Variants in CHD7 observed in about 807,000 individuals in gnomAD.
CHD7 encodes the protein ATP-dependent chromatin remodeler CHD7.
In CHD7, 24 loss-of-function variants were observed where a neutral mutation model predicts 307.3. The observed-to-expected ratio is 0.08, with a 90% CI of 0.06 to 0.11. The LOEUF (loss-of-function observed/expected upper bound fraction) is 0.11, where lower values mean the gene tolerates loss of function less well. CHD7 is among the 10% of genes least tolerant of loss of function. CHD7 has a pLI of 1.00. For missense variants in CHD7, 3,106 were observed against 3,727.1 expected (o/e 0.83, Z 4.34); for synonymous variants, 1,363 against 1,349.9 (o/e 1.01, Z -0.21).
At chr8:60,731,617 C>T (rs1367688692) in intron 1 of CHD7, among the ~76,000 whole-genome samples, 2 of 152,216 alleles carry the variant, frequency 1.3e-5, no homozygotes, top group African/African-American at 4.8e-5. Context: ...CAACTGTTAA[C>T]TCTGTATTTC....
chr8:60,774,331 C>T, intron 2 of CHD7, among the ~76,000 whole-genome samples: 1 of 152,198 alleles, frequency 6.6e-6, no homozygotes, highest in Admixed American at 6.5e-5. Flanking sequence ...CCTCATAGGG[C>T]ATTACAGGAA....
intron 2 of CHD7, among the ~76,000 whole-genome samples, chr8:60,775,146 G>A (rs16926467): frequency 2.0e-5 from 3 of 151,866 alleles, no homozygotes; most frequent in African/African-American, 4.8e-5. Flanking sequence ...AAAGGCAAAG[G>A]TTCAAAAACG....
At chr8:60,834,119 TA>T (rs1249592362) in intron 15 of CHD7, among the ~76,000 whole-genome samples, 1 of 152,212 alleles carries the variant, frequency 6.6e-6, no homozygotes, top group Non-Finnish European at 1.5e-5. Context: ...ATTATTTTTT[TA>T]ATCTCTGAAT....
At chr8:60,744,660 C>T (rs1348962027) in intron 2 of CHD7, among the ~76,000 whole-genome samples, 1 of 151,698 alleles carries the variant, frequency 6.6e-6, no homozygotes, top group Non-Finnish European at 1.5e-5. Context: ...CAATGCCAAA[C>T]TGGCCAACAT....
In CHD7 at chr8:60,690,607, C is replaced by G. The variant is rs144212791; in HGVS notation, c.-175+11525C>G. 3.5e-3 allele frequency among the ~76,000 whole-genome samples: 537 copies of G among 152,306 alleles called. 5 individuals are homozygous for G. The highest frequency in any genetic ancestry group is 0.012 in the African/African-American group (514 of 41,562). On this transcript the variant is annotated intron_variant, in intron 1 of 37. Coordinates refer to ENST00000423902, the MANE Select transcript of CHD7 (RefSeq NM_017780.4). ...CTAAAGGCCAGCAGGATAAGGAAAA[C>G]TGTCTTATATGCTGTCAAATACATT... is the stretch of plus-strand genomic sequence containing the variant.
intron 3 of CHD7, among the ~76,000 whole-genome samples, chr8:60,785,716 C>A (rs1811457834): frequency 6.6e-6 from 1 of 152,162 alleles, no homozygotes; most frequent in Admixed American, 6.5e-5. Context: ...ACAAAAGTAA[C>A]CCATTATGCT....
chr8:60,758,560 T>C (rs911746501), intron 2 of CHD7, among the ~76,000 whole-genome samples: 3 of 152,270 alleles, frequency 2.0e-5, no homozygotes, highest in Non-Finnish European at 4.4e-5. Context: ...ATTTTATTAT[T>C]GTAAATAAAC....
chr8:60,855,322 C>T (rs1025284194), intron 32 of CHD7: 2 of 152,322 alleles, frequency 1.3e-5, no homozygotes, highest in Non-Finnish European at 2.9e-5. Flanking sequence ...GGGAGTTTCC[C>T]AGATCAGTCA....
At chr8:60,803,949 T>C (rs1812431558) in intron 6 of CHD7, among the ~76,000 whole-genome samples, 1 of 152,208 alleles carries the variant, frequency 6.6e-6, no homozygotes. Context: ...AGAAACTGGC[T>C]ATGAGCTCTC....
At chr8:60,857,026 C>T (rs1344612393) in intron 34 of CHD7, 138 bp downstream of exon 34, 3 of 704,502 alleles carry the variant, frequency 4.3e-6, no homozygotes, top group Non-Finnish European at 4.6e-6. Flanking sequence ...AATAGTTTTA[C>T]AATAAACAGT....
chr8:60,864,554 G>A (rs1806154407), intron 37 of CHD7: 1 of 182,238 alleles, frequency 5.5e-6, no homozygotes, highest in South Asian at 1.1e-4. Context: ...GATCATGTTG[G>A]GTAGATGAGG....
chr8:60,778,124 C>T (rs1326703617), intron 2 of CHD7, among the ~76,000 whole-genome samples: 3 of 151,890 alleles, frequency 2.0e-5, no homozygotes, highest in Non-Finnish European at 4.4e-5. Context: ...CATGGCTGGG[C>T]CTGGGAGACT....
intron 1 of CHD7, among the ~76,000 whole-genome samples, chr8:60,719,776 T>G (rs1024683350): frequency 6.6e-6 from 1 of 152,192 alleles, no homozygotes. Context: ...AACCAACTTC[T>G]CATCCCCACA....
intron 9 of CHD7, among the ~76,000 whole-genome samples, chr8:60,820,451 G>A (rs756310768): frequency 5.9e-5 from 9 of 152,270 alleles, no homozygotes; most frequent in South Asian, 2.1e-4. Flanking sequence ...GCAGAATGGA[G>A]TTTAAGGTTA....
intron 3 of CHD7, among the ~76,000 whole-genome samples, chr8:60,783,504 A>G (rs1811358726): frequency 1.3e-5 from 2 of 152,174 alleles, no homozygotes; most frequent in Admixed American, 6.5e-5. Context: ...AGTGTTTGGC[A>G]TTGCTGAATC....
Position 60,845,026 on chromosome 8 carries a change from A to G in CHD7, c.5013A>G (p.Thr1671=). The G allele has an allele frequency of 6.2e-7, 1 of 1,614,044 alleles. No individual in the cohort carries two copies. Among genetic ancestry groups the G allele is most frequent in the Non-Finnish European group, 8.5e-7 (1 of 1,179,894 alleles). The change falls in exon 22 of 38, where the codon ACA becomes ACG. Residue 1671 remains threonine (T), a synonymous_variant. Transcript: ENST00000423902. The part of the protein sequence containing the change: ...KSFIWDLITP[T]ADGQTRALVN... The stretch of plus-strand genomic sequence containing the variant: ...TCATCTGGGATCTGATCACACCCAC[A>G]GCGGATGGCCAGACTCGAGCCTTGG...
At position 60,852,454 on chromosome 8, in the gene CHD7, C is replaced by A. The variant is rs368298233; in HGVS notation, c.5895-44C>A. The A allele has an allele frequency of 3.7e-5, 57 of 1,542,726 alleles. No homozygotes were observed. The African/African-American group carries it at 7.5e-4, about 20-fold the overall frequency. On this transcript the variant is annotated intron_variant, in intron 29 of 37. Coordinates refer to ENST00000423902, the MANE Select transcript of CHD7 (RefSeq NM_017780.4). ...AGAAAAGAAACAGTAAATATTAAGT[C>A]TTTTCCTGAAGTATGATGCAAGCTA...
chr8:60,784,565 C>T (rs1355188673), intron 3 of CHD7, among the ~76,000 whole-genome samples: 2 of 152,190 alleles, frequency 1.3e-5, no homozygotes, highest in Non-Finnish European at 2.9e-5. Flanking sequence ...ATCACTTACA[C>T]TCACCATGGT....
chr8:60,830,128 T>C (rs1804437748), intron 14 of CHD7, among the ~76,000 whole-genome samples, 194 bp from the exon 15 acceptor site: 1 of 152,256 alleles, frequency 6.6e-6, no homozygotes, highest in Admixed American at 6.5e-5. Flanking sequence ...ATAGTTCATT[T>C]GACATAAAAT....
Sources: gnomAD v4.1 joint callset for allele counts (sites outside exome capture counted in the v4.1 genomes callset) on GRCh38, gnomAD v4.1.1 for gene constraint, MANE v1.5 for transcripts, NCBI Gene and HGNC (gene_info 2026-07-23, HGNC 2026-07-21) for gene names.